Variants in CMIP observed in about 807,000 individuals in gnomAD.
The protein encoded by CMIP is C-Maf-inducing protein.
In CMIP, 13 loss-of-function variants were observed where a neutral mutation model predicts 97.3. The observed-to-expected ratio is 0.13, with a 90% CI of 0.09 to 0.21. CMIP has a LOEUF of 0.21. Among genes scored for constraint, CMIP ranks in the 10% least tolerant of loss-of-function variants. The pLI is 1.00. For synonymous variants in CMIP, 538 were observed against 436.3 expected (o/e 1.23, Z -2.91); for missense variants, 847 against 1,024.9 (o/e 0.83, Z 2.37).
intron 9 of CMIP, among the ~76,000 whole-genome samples, chr16:81,673,094 G>A (rs751591698): frequency 1.5e-4 from 23 of 152,192 alleles, no homozygotes; most frequent in Non-Finnish European, 2.5e-4. Context: ...GCAGGGCCAC[G>A]ACCTGGCTTT....
At chr16:81,448,785 G>C (rs1251520912) in intron 1 of CMIP, among the ~76,000 whole-genome samples, 1 of 152,260 alleles carries the variant, frequency 6.6e-6, no homozygotes, top group Non-Finnish European at 1.5e-5. Context: ...AGATAGGGAG[G>C]CCAGGGCCCC....
intron 1 of CMIP, among the ~76,000 whole-genome samples, chr16:81,499,356 T>G (rs1000719243): frequency 2.0e-5 from 3 of 152,200 alleles, no homozygotes; most frequent in African/African-American, 4.8e-5. Flanking sequence ...TGCACACCCA[T>G]GTACACATGT....
chr16:81,664,252 C>CCCCA lies in CMIP; in HGVS notation c.745-15_745-12dup. On this transcript the variant is annotated splice_polypyrimidine_tract_variant and intron_variant, in intron 6 of 20. Coordinates refer to ENST00000537098, the MANE Select transcript of CMIP (RefSeq NM_198390.3). ...CATTCTTAGGGCCGCAGTAACTGTA[C>CCCCA]CCCACTCTGTCCCCAGCACTGCAGA... 6.3e-7 allele frequency: 1 copy of CCCCA among 1,585,640 alleles called. No homozygotes were observed. Among genetic ancestry groups the CCCCA allele is most frequent in the Non-Finnish European group, 8.6e-7 (1 of 1,166,424 alleles).
intron 1 of CMIP, among the ~76,000 whole-genome samples, chr16:81,588,127 T>G (rs1175789685): frequency 6.6e-6 from 1 of 152,050 alleles, no homozygotes; most frequent in African/African-American, 2.4e-5. Context: ...AGGAGGCAAT[T>G]AGGATCAAAC....
chr16:81,459,985 T>C (rs1000923906), intron 1 of CMIP, among the ~76,000 whole-genome samples: 5 of 152,172 alleles, frequency 3.3e-5, no homozygotes, highest in East Asian at 3.9e-4. Flanking sequence ...CACATCCCAG[T>C]GTCCCCTCCA....
intron 1 of CMIP, among the ~76,000 whole-genome samples, chr16:81,452,388 C>G (rs1052996510): frequency 1.3e-5 from 2 of 152,106 alleles, no homozygotes; most frequent in African/African-American, 2.4e-5. Context: ...TTTCATGCCT[C>G]CATTCAGCAG....
intron 1 of CMIP, among the ~76,000 whole-genome samples, chr16:81,547,284 T>A (rs1266769886): frequency 1.3e-5 from 2 of 152,164 alleles, no homozygotes; most frequent in African/African-American, 4.8e-5. Context: ...CATGTTTATG[T>A]GGCCGAGGGC....
intron 1 of CMIP, among the ~76,000 whole-genome samples, chr16:81,480,658 G>T (rs963918208): frequency 1.3e-5 from 2 of 152,218 alleles, no homozygotes; most frequent in Non-Finnish European, 2.9e-5. Context: ...TTATGTGTTT[G>T]CTATGGGGTA....
chr16:81,655,546 G>A lies in CMIP; in HGVS notation c.640-2229G>A, dbSNP rs938787076. ...TCTACCAGGGGTGGAAAATGGCCCT[G>A]GGGGAGAGAAGGCTCCCTGTAGAAT... On this transcript the variant is annotated intron_variant, in intron 4 of 20. Transcript: ENST00000537098. The surrounding 1 kb of genome is among the most constrained non-coding windows in gnomAD (Gnocchi z 4.9). Among the ~76,000 whole-genome samples the A allele has an allele frequency of 2.0e-5, 3 of 152,166 alleles. No individual in the cohort carries two copies. Among genetic ancestry groups the A allele is most frequent in the Non-Finnish European group, 4.4e-5 (3 of 68,024 alleles).
At chr16:81,691,601 C>G in intron 10 of CMIP, 174 bp from the exon 11 acceptor site, 1 of 640,938 alleles carries the variant, frequency 1.6e-6, no homozygotes, top group South Asian at 1.8e-5. Context: ...GTCCTTGAGG[C>G]CACGCTGAGA....
rs188045685 is a variant in CMIP at position 81,589,866 on chromosome 16, A to G, written c.301-17701A>G. Among the ~76,000 whole-genome samples, 453 of 152,356 alleles carry G rather than the reference A, an allele frequency of 3.0e-3. 8 individuals carry two copies. The highest frequency in any genetic ancestry group is 1.9e-3 in the Non-Finnish European group (129 of 68,034). On this transcript the variant is annotated intron_variant, in intron 1 of 20. Transcript: ENST00000537098. ...TGAATGAATCTGTTTAGTGAAAAAT[A>G]TAAGTAAAACGACAAAGTGTACCTC... is the stretch of plus-strand genomic sequence containing the variant.
At chr16:81,472,073 T>G (rs1439861142) in intron 1 of CMIP, among the ~76,000 whole-genome samples, 1 of 152,146 alleles carries the variant, frequency 6.6e-6, no homozygotes, top group African/African-American at 2.4e-5. Flanking sequence ...ATATGCCGTG[T>G]ACACACACAC....
intron 1 of CMIP, chr16:81,606,852 T>C (rs921394947): frequency 6.5e-6 from 1 of 154,442 alleles, no homozygotes; most frequent in Admixed American, 6.5e-5. Context: ...AAAGTGCAGT[T>C]GAGATGAGAC....
At chr16:81,613,548 T>C (rs1388522459) in intron 2 of CMIP, among the ~76,000 whole-genome samples, 2 of 152,230 alleles carry the variant, frequency 1.3e-5, no homozygotes, top group Admixed American at 1.3e-4. Flanking sequence ...AAACGCACTC[T>C]AATACTTGTC....
In CMIP at chr16:81,453,893, G is replaced by A. The variant is rs1013942549; in HGVS notation, c.300+8352G>A. Among the ~76,000 whole-genome samples, 1 of 152,212 alleles carries A rather than the reference G, an allele frequency of 6.6e-6. No individual in the cohort carries two copies. Among genetic ancestry groups the A allele is most frequent in the Admixed American group, 6.5e-5 (1 of 15,286 alleles). ...CTAGAACTCAGACACACGGCCACAC[G>A]GAGTGCAGGGGAAGACTTGGGAACA... On this transcript the variant is annotated intron_variant, in intron 1 of 20. Coordinates refer to ENST00000537098, the MANE Select transcript of CMIP (RefSeq NM_198390.3). This position sits in a 1 kb window ranked among gnomAD's most constrained non-coding sequence, Gnocchi z 4.0.
intron 1 of CMIP, among the ~76,000 whole-genome samples, chr16:81,530,597 C>T (rs1486752188): frequency 6.6e-6 from 1 of 152,136 alleles, no homozygotes; most frequent in Non-Finnish European, 1.5e-5. Flanking sequence ...CGCCTTTATT[C>T]AGCTTTCCTC....
intron 1 of CMIP, among the ~76,000 whole-genome samples, chr16:81,583,703 G>T (rs1004450596): frequency 3.3e-5 from 5 of 152,136 alleles, no homozygotes; most frequent in South Asian, 2.1e-4. Context: ...GTCTGTCGTT[G>T]CAGAGGCACT....
At chr16:81,526,478 A>G (rs1436514526) in intron 1 of CMIP, among the ~76,000 whole-genome samples, 1 of 152,138 alleles carries the variant, frequency 6.6e-6, no homozygotes, top group East Asian at 1.9e-4. Context: ...ATTCATCAGT[A>G]CCCCAAAGTT....
chr16:81,599,683 G>T (rs1289107875), intron 1 of CMIP, among the ~76,000 whole-genome samples: 7 of 152,190 alleles, frequency 4.6e-5, no homozygotes, highest in Non-Finnish European at 5.9e-5. Context: ...GCTGTCTTGG[G>T]GGGTTACGAA....
Sources: allele counts gnomAD v4.1 joint callset (sites outside exome capture counted in the v4.1 genomes callset), GRCh38; gene constraint gnomAD v4.1.1; non-coding constraint Gnocchi (gnomAD v3.1); transcripts MANE v1.5; gene names NCBI Gene and HGNC (gene_info 2026-07-23, HGNC 2026-07-21).